RESF1: variants seen among roughly 807,000 people sequenced by gnomAD.
RESF1 encodes the protein retroelement silencing factor 1.
Under a neutral mutation model 134.7 loss-of-function variants are expected in RESF1, and 65 were observed. That is an observed-to-expected ratio of 0.48 (90% CI 0.40 to 0.59). The LOEUF (loss-of-function observed/expected upper bound fraction) is 0.59. Ranked by LOEUF, RESF1 falls within the 20% of genes least tolerant of loss-of-function variation. The pLI, the probability that RESF1 is intolerant of heterozygous loss-of-function variation, is 0.00. For missense variants in RESF1, 2,274 were observed against 2,002.7 expected, an observed-to-expected ratio of 1.14 and a Z score of -2.59; for synonymous variants, 762 against 702.2, an observed-to-expected ratio of 1.09 and a Z score of -1.35.
chr12:31,975,398 A>G (rs927918147), intron 3 of RESF1, among the ~76,000 whole-genome samples: 27 of 152,234 alleles, frequency 1.8e-4, no homozygotes, highest in African/African-American at 6.5e-4. Context: ...ATATGTTATT[A>G]TTAAAGTCCA....
At position 31,984,414 on chromosome 12, in the gene RESF1, A is replaced by G. The variant is rs577484559; in HGVS notation, c.3459A>G (p.Ala1153=). ...VVSQCDLQAP[A]AGQSRDSVIL... Reference sequence around the variant, plus strand: ...GCCAGTGTGACCTGCAGGCACCTGCAGCTGGACAAAGTCGTGATTCTGTGA... The same window carrying G: ...GCCAGTGTGACCTGCAGGCACCTGCGGCTGGACAAAGTCGTGATTCTGTGA... The change falls in exon 4 of 6, where the codon GCA becomes GCG. Residue 1153 remains alanine, a synonymous_variant. Transcript: ENST00000312561. 3 of 1,614,208 alleles carry G rather than the reference A, an allele frequency of 1.9e-6. No individual in the cohort carries two copies. In the South Asian group the frequency reaches 3.3e-5, roughly 18 times the overall value.
chr12:31,982,346 A>G lies in RESF1; in HGVS notation c.1391A>G (p.Asn464Ser). 1.9e-6 allele frequency: 3 copies of G among 1,614,190 alleles called. No individual in the cohort carries two copies. Among genetic ancestry groups the G allele is most frequent in the Non-Finnish European group, 2.5e-6 (3 of 1,180,028 alleles). ...GPQITPVMPE[N>S]AERQTPTVVE... ...CAGATAACTCCAGTAATGCCAGAGAATGCAGAGAGACAAACACCAACAGTA... is the reference window on the plus strand; with the variant it reads ...CAGATAACTCCAGTAATGCCAGAGAGTGCAGAGAGACAAACACCAACAGTA... The change falls in exon 4 of 6, where the codon AAT (asparagine) becomes AGT (serine). Residue 464 changes from asparagine (N) to serine (S), a missense_variant. Physicochemically the swap from Asn to Ser is conservative, Grantham distance 46. Coordinates refer to ENST00000312561, the MANE Select transcript of RESF1 (RefSeq NM_018169.4).
At chr12:31,986,033 A>G (rs899927457) in intron 4 of RESF1, 76 bp downstream of exon 4, 14 of 920,404 alleles carry the variant, frequency 1.5e-5, no homozygotes, top group Non-Finnish European at 1.7e-5. Flanking sequence ...AGCACCTCTC[A>G]TGCTGTCTTG....
In RESF1 at chr12:31,984,730, A is replaced by G. The variant is rs774844182; in HGVS notation, c.3775A>G (p.Thr1259Ala). 3 of 1,608,122 alleles carry G rather than the reference A, an allele frequency of 1.9e-6. No homozygotes were observed. Among genetic ancestry groups the G allele is most frequent in the South Asian group, 2.2e-5 (2 of 89,392 alleles). The part of the protein sequence containing the change: ...PELQDDSRKD[T>A]PKTKHKSLPR... ...ACTACAAGACGACAGTAGAAAAGAT[A>G]CACCCAAAACAAAACATAAAAGCTT... The change falls in exon 4 of 6, where the codon ACA (threonine) becomes GCA (alanine). Residue 1259 changes from threonine to alanine, a missense_variant. Physicochemically the swap from Thr to Ala is moderately conservative, Grantham distance 58 (BLOSUM62 0). Coordinates refer to ENST00000312561, the MANE Select transcript of RESF1 (RefSeq NM_018169.4).
At position 31,964,429 on chromosome 12, in the gene RESF1, CCT is replaced by C. The variant is rs765698472; in HGVS notation, c.-247+3561_-247+3562del. On this transcript the variant is annotated intron_variant, in intron 2 of 5. Coordinates refer to ENST00000312561, the MANE Select transcript of RESF1 (RefSeq NM_018169.4). The stretch of plus-strand genomic sequence containing the variant: ...TGTGTTAGTTTGCTAAGGATAATGT[CCT>C]CTAGCTCCAAGCTCCTGCAAAGGAC... Among the ~76,000 whole-genome samples the C allele has an allele frequency of 4.2e-4, 64 of 152,138 alleles. 1 individual carries two copies. Among genetic ancestry groups the C allele is most frequent in the Admixed American group, 4.2e-3 (64 of 15,274 alleles).
intron 2 of RESF1, among the ~76,000 whole-genome samples, chr12:31,967,102 T>TGG (rs1277736229): frequency 6.6e-6 from 1 of 152,172 alleles, no homozygotes; most frequent in South Asian, 2.1e-4. Flanking sequence ...TTTACCACCT[T>TGG]GGGGGGTATA....
At chr12:31,988,132 A>G (rs961276849) in intron 5 of RESF1, among the ~76,000 whole-genome samples, 8 of 152,186 alleles carry the variant, frequency 5.3e-5, no homozygotes, top group African/African-American at 1.4e-4. Context: ...TTAATCTTCA[A>G]TACAATTTAG....
intron 5 of RESF1, among the ~76,000 whole-genome samples, chr12:31,989,185 A>G (rs1325982556): frequency 6.8e-6 from 1 of 148,142 alleles, no homozygotes; most frequent in South Asian, 2.2e-4. Flanking sequence ...TCATGAGGTC[A>G]GGAGATTGAG....
At chr12:31,973,065 GTA>G (rs1939549730) in intron 3 of RESF1, among the ~76,000 whole-genome samples, 1 of 151,982 alleles carries the variant, frequency 6.6e-6, no homozygotes, top group Non-Finnish European at 1.5e-5. Context: ...CTTTTTAAAA[GTA>G]TTTTTTATAT....
At chr12:31,963,895 G>A (rs761819045) in intron 2 of RESF1, among the ~76,000 whole-genome samples, 1 of 152,098 alleles carries the variant, frequency 6.6e-6, no homozygotes, top group Non-Finnish European at 1.5e-5. Context: ...CAGATATTCC[G>A]TTGTATGGAT....
At position 31,981,846 on chromosome 12, in the gene RESF1, T is replaced by C. The variant is rs758486623; in HGVS notation, c.891T>C (p.Ile297=). 2 of 1,614,128 alleles carry C rather than the reference T, an allele frequency of 1.2e-6. No individual in the cohort carries two copies. Among genetic ancestry groups the C allele is most frequent in the Non-Finnish European group, 1.7e-6 (2 of 1,180,042 alleles). The change falls in exon 4 of 6, where the codon ATT becomes ATC. Residue 297 remains isoleucine, a synonymous_variant. Coordinates refer to ENST00000312561, the MANE Select transcript of RESF1 (RefSeq NM_018169.4). ...AGCCTTTGCAAAGTACTCAGCATATTACTAAACACTTGTCTATGGAAGTTC... is the reference window on the plus strand; with the variant it reads ...AGCCTTTGCAAAGTACTCAGCATATCACTAAACACTTGTCTATGGAAGTTC... ...GSQPLQSTQH[I]TKHLSMEVPQ...
chr12:31,972,204 G>A (rs991843487), intron 3 of RESF1, among the ~76,000 whole-genome samples: 4 of 152,136 alleles, frequency 2.6e-5, no homozygotes, highest in African/African-American at 9.7e-5. Context: ...TCTGTGAGCT[G>A]CTCTAACACG....
rs75037943 is a variant in RESF1, at chr12:31,987,284, C to T, written c.5048C>T (p.Ala1683Val). The T allele has an allele frequency of 1.9e-6, 3 of 1,602,242 alleles. No homozygotes were observed. Among genetic ancestry groups the T allele is most frequent in the South Asian group, 1.1e-5 (1 of 90,422 alleles). ...AAAGAAGACTGGTTAAAATTTGTTGCTACAAAGAAAAGGACACAGAAAGAC... is the reference window on the plus strand; with the variant it reads ...AAAGAAGACTGGTTAAAATTTGTTGTTACAAAGAAAAGGACACAGAAAGAC... ...STKEDWLKFV[A>V]TKKRTQKDSQ... is the part of the protein sequence containing the mutation. The change falls in exon 5 of 6, where the codon GCT becomes GTT. Residue 1683 changes from alanine (A) to valine (V), a missense_variant. Physicochemically the swap from Ala to Val is moderately conservative, Grantham distance 64. Transcript: ENST00000312561.
chr12:31,980,771 G>A, intron 3 of RESF1, 107 bp from the exon 4 acceptor site: 2 of 516,458 alleles, frequency 3.9e-6, no homozygotes, highest in South Asian at 3.3e-5. Flanking sequence ...TAAAGATGAG[G>A]CTGCTCTGAA....
chr12:31,968,833 T>C (rs1424407277), intron 2 of RESF1, among the ~76,000 whole-genome samples: 1 of 152,240 alleles, frequency 6.6e-6, no homozygotes, highest in African/African-American at 2.4e-5. Context: ...TACATGCATG[T>C]GTCTTTTGGG....
In RESF1 at chr12:31,985,420, G is replaced by A. The variant is rs757554222; in HGVS notation, c.4465G>A (p.Glu1489Lys). The change falls in exon 4 of 6, where the codon GAA (glutamate) becomes AAA (lysine). Residue 1489 changes from glutamate (E) to lysine (K), a missense_variant. Coordinates refer to ENST00000312561, the MANE Select transcript of RESF1 (RefSeq NM_018169.4). ...ACCAAGTAAACTTGCCGTGCAGGTT[G>A]AAAGTTGTGGGAAATCAAATGAGAA... The part of the protein sequence containing the change: ...MRPSKLAVQV[E>K]SCGKSNEKHS... 3.1e-6 allele frequency: 5 copies of A among 1,606,170 alleles called. No individual in the cohort carries two copies. Among genetic ancestry groups the A allele is most frequent in the Non-Finnish European group, 3.4e-6 (4 of 1,177,954 alleles).
In RESF1 at chr12:31,992,804, C is replaced by CT; in HGVS notation, c.*271dup. On this transcript the variant is annotated 3_prime_UTR_variant, in exon 6 of 6. Coordinates refer to ENST00000312561, the MANE Select transcript of RESF1 (RefSeq NM_018169.4). ...ATTTACCATTATTTTAAAAGGAATGCTTATACAAATCAATTTGAAATTCTA... is the reference window on the plus strand; with the variant it reads ...ATTTACCATTATTTTAAAAGGAATGCTTTATACAAATCAATTTGAAATTCTA... 2.6e-6 allele frequency: 1 copy of CT among 390,628 alleles called. No individual in the cohort carries two copies. Among genetic ancestry groups the CT allele is most frequent in the South Asian group, 2.7e-5 (1 of 36,880 alleles). The allele number at this position is 390,628 out of a possible 1,614,324, so 24.2% of individuals were successfully genotyped here. A position where few individuals can be genotyped will look rare whatever the true frequency, so the allele number is the denominator to read the frequency against.
chr12:31,982,037 T>G lies in RESF1; in HGVS notation c.1082T>G (p.Val361Gly). The G allele has an allele frequency of 1.2e-6, 2 of 1,614,122 alleles. No individual in the cohort carries two copies. Among genetic ancestry groups the G allele is most frequent in the Middle Eastern group, 1.6e-4 (1 of 6,062 alleles). ...NSPIRSSVDG[V>G]QTLAQTNEEK... Reference sequence around the variant, plus strand: ...CCCATTAGATCTTCTGTGGATGGTGTTCAGACTCTTGCTCAAACTAATGAA... The same window carrying G: ...CCCATTAGATCTTCTGTGGATGGTGGTCAGACTCTTGCTCAAACTAATGAA... The change falls in exon 4 of 6, where the codon GTT becomes GGT. Residue 361 changes from valine (V) to glycine (G), a missense_variant. Val to Gly is a moderately radical substitution (Grantham distance 109). Transcript: ENST00000312561.
intron 5 of RESF1, among the ~76,000 whole-genome samples, chr12:31,991,437 G>T (rs1384273961): frequency 6.6e-6 from 1 of 152,140 alleles, no homozygotes; most frequent in Non-Finnish European, 1.5e-5. Flanking sequence ...CACCCATTCA[G>T]GTAGAAAAAG....
Sources: gnomAD v4.1 joint callset for allele counts (sites outside exome capture counted in the v4.1 genomes callset) on GRCh38, gnomAD v4.1.1 for gene constraint, MANE v1.5 for transcripts, NCBI Gene and HGNC (gene_info 2026-07-23, HGNC 2026-07-21) for gene names.